LPO: variants seen among roughly 807,000 people sequenced by gnomAD.
The protein encoded by LPO is salivary peroxidase.
In LPO, 70 loss-of-function variants were observed where a neutral mutation model predicts 68.4. The observed-to-expected ratio is 1.02, with a 90% CI of 0.84 to 1.25. LPO has a LOEUF of 1.25. LPO is among the 50% of genes most tolerant of loss of function. LPO has a pLI of 0.00. For synonymous variants in LPO, 360 were observed against 357.6 expected (o/e 1.01, Z -0.08); for missense variants, 873 against 908.4 (o/e 0.96, Z 0.50).
intron 6 of LPO, 103 bp downstream of exon 6, chr17:58,249,798 A>C (rs1051121112): frequency 1.5e-5 from 21 of 1,413,534 alleles, no homozygotes; most frequent in Admixed American, 8.8e-5. Context: ...TGGGGGCAGC[A>C]GGGGTGCGCG....
At chr17:58,251,597 C>T (rs1044740686) in intron 7 of LPO, 2 of 256,146 alleles carry the variant, frequency 7.8e-6, no homozygotes, top group South Asian at 4.7e-5. Flanking sequence ...AAGAATAAAT[C>T]GAGGCTATGT....
chr17:58,267,513 G>T lies in LPO; in HGVS notation c.1858G>T (p.Glu620Ter), dbSNP rs755945869. ...AGGGGCCATTGCTGAGCCGCTGGTGGAAAGGGGTCGGGTGGGGCCTCTCCT... is the reference window on the plus strand; with the variant it reads ...AGGGGCCATTGCTGAGCCGCTGGTGTAAAGGGGTCGGGTGGGGCCTCTCCT... Reference protein sequence around the residue: ...WIGAIAEPLVERGRVGPLLAC... With the variant: ...WIGAIAEPLV Residue 620 changes from glutamate to a stop codon, truncating the protein, a stop_gained, in exon 12 of 13, where the codon GAA (glutamate) becomes TAA (stop). Transcript: ENST00000262290. LOFTEE classifies it high-confidence loss of function. 6.2e-7 allele frequency: 1 copy of T among 1,614,236 alleles called. No individual in the cohort carries two copies. Among genetic ancestry groups the T allele is most frequent in the South Asian group, 1.1e-5 (1 of 91,086 alleles).
chr17:58,242,170 G>A (rs970295354), intron 1 of LPO, among the ~76,000 whole-genome samples: 2 of 152,282 alleles, frequency 1.3e-5, no homozygotes, highest in South Asian at 2.1e-4. Context: ...GATGTATGGG[G>A]TCTGCTCCAC....
intron 1 of LPO, among the ~76,000 whole-genome samples, chr17:58,239,045 G>A (rs1039274902): frequency 6.6e-6 from 1 of 152,094 alleles, no homozygotes; most frequent in African/African-American, 2.4e-5. Context: ...TAGGAACTGA[G>A]ACTTAAGCAA....
At chr17:58,255,121 A>G in intron 9 of LPO, 150 bp downstream of exon 9, 1 of 699,150 alleles carries the variant, frequency 1.4e-6, no homozygotes, top group Non-Finnish European at 2.3e-6. Flanking sequence ...TTGTTGTCTC[A>G]TTCTTTGAAA....
At chr17:58,250,665 C>T in intron 7 of LPO, 44 bp downstream of exon 7, 1 of 1,581,696 alleles carries the variant, frequency 6.3e-7, no homozygotes, top group Non-Finnish European at 8.7e-7. Flanking sequence ...CCCTTGCCCA[C>T]CCTGATGTAG....
Position 58,249,713 on chromosome 17 carries a change from C to A in LPO, c.573+18C>A. 1.3e-6 allele frequency: 2 copies of A among 1,547,122 alleles called. No homozygotes were observed. Among genetic ancestry groups the A allele is most frequent in the Non-Finnish European group, 8.7e-7 (1 of 1,155,422 alleles). On this transcript the variant is annotated intron_variant, in intron 6 of 12. Coordinates refer to ENST00000262290, the MANE Select transcript of LPO (RefSeq NM_006151.3). ...TCCCGCTGGTGAGGGCAGGCCGGGC[C>A]GGGGTGAAGGATGGGAGCCAGAGGG...
At chr17:58,248,925 A>G (rs531873973) in intron 4 of LPO, 135 bp from the exon 5 acceptor site, 2 of 733,754 alleles carry the variant, frequency 2.7e-6, no homozygotes, top group Non-Finnish European at 5.0e-6. Flanking sequence ...TTGAGAAACC[A>G]CTTGAGAAAC....
intron 9 of LPO, among the ~76,000 whole-genome samples, chr17:58,258,965 A>G (rs1373906884): frequency 6.6e-6 from 1 of 151,906 alleles, no homozygotes; most frequent in East Asian, 1.9e-4. Context: ...CGTATTCTAG[A>G]CACAAGTCCT....
chr17:58,247,353 T>C, intron 3 of LPO, 125 bp from the exon 4 acceptor site: 4 of 742,114 alleles, frequency 5.4e-6, no homozygotes, highest in Non-Finnish European at 8.7e-6. Context: ...GTGGCTACTG[T>C]ATTGGACAGT....
rs369680744 is a variant in LPO, at chr17:58,267,889, G to A, written c.2034G>A (p.Lys678=). ...RLVCDNTRIT[K]VPRDPFWANS... ...TCTGTGACAACACCCGCATCACCAAGGTCCCACGGGACCCATTCTGGGCCA... is the reference window on the plus strand; with the variant it reads ...TCTGTGACAACACCCGCATCACCAAAGTCCCACGGGACCCATTCTGGGCCA... Residue 678 remains lysine, a synonymous_variant, in exon 13 of 13, where the codon AAG becomes AAA. Coordinates refer to ENST00000262290, the MANE Select transcript of LPO (RefSeq NM_006151.3). The A allele has an allele frequency of 9.9e-6, 16 of 1,614,026 alleles. No homozygotes were observed. Among genetic ancestry groups the A allele is most frequent in the African/African-American group, 2.7e-5 (2 of 74,902 alleles).
Position 58,254,842 on chromosome 17 carries a change from G to T in LPO, c.1137G>T (p.Leu379=). ...GDSRASEHIL[L]ATSHTLFLRE... ...CTCGAGCCTCAGAGCATATTCTGCT[G>T]GCCACATCCCACACCCTCTTTCTCC... is the stretch of plus-strand genomic sequence containing the variant. The change falls in exon 9 of 13, where the codon CTG becomes CTT. Residue 379 remains leucine (L), a synonymous_variant. Coordinates refer to ENST00000262290, the MANE Select transcript of LPO (RefSeq NM_006151.3). The T allele has an allele frequency of 6.2e-7, 1 of 1,614,060 alleles. No homozygotes were observed. The highest frequency in any genetic ancestry group is 2.2e-5 in the East Asian group (1 of 44,878).
chr17:58,254,847 C>T lies in LPO; in HGVS notation c.1142C>T (p.Thr381Ile), dbSNP rs752680822. Residue 381 changes from threonine to isoleucine, a missense_variant, in exon 9 of 13, where the codon ACA becomes ATA. Transcript: ENST00000262290. ...SRASEHILLA[T>I]SHTLFLREHN... ...GCCTCAGAGCATATTCTGCTGGCCACATCCCACACCCTCTTTCTCCGCGAG... is the reference window on the plus strand; with the variant it reads ...GCCTCAGAGCATATTCTGCTGGCCATATCCCACACCCTCTTTCTCCGCGAG... 5 of 1,614,028 alleles carry T rather than the reference C, an allele frequency of 3.1e-6. No homozygotes were observed. The highest frequency in any genetic ancestry group is 4.2e-6 in the Non-Finnish European group (5 of 1,180,024).
At position 58,241,047 on chromosome 17, in the gene LPO, G is replaced by A. The variant is rs1598017393; in HGVS notation, c.-2-1931G>A. On this transcript the variant is annotated intron_variant, in intron 1 of 12. Coordinates refer to ENST00000262290, the MANE Select transcript of LPO (RefSeq NM_006151.3). ...TGAATATACCTAACATTACAGTACT[G>A]TAGAGTTTAAATGACTAGGATGCTA... 2.0e-5 allele frequency among the ~76,000 whole-genome samples: 3 copies of A among 151,658 alleles called. 1 individual carries two copies.
intron 8 of LPO, among the ~76,000 whole-genome samples, chr17:58,253,144 T>G (rs910541343): frequency 6.6e-6 from 1 of 152,120 alleles, no homozygotes. Flanking sequence ...TTTTCCAGTA[T>G]TTTTTCTATC....
At position 58,251,065 on chromosome 17, in the gene LPO, G is replaced by A. The variant is rs562134642; in HGVS notation, c.780+444G>A. 4 of 176,038 alleles carry A rather than the reference G, an allele frequency of 2.3e-5. No homozygotes were observed. The South Asian group carries it at 5.0e-4, about 22-fold the overall frequency. The allele number at this position is 176,038 out of a possible 1,614,324, so 10.9% of individuals were successfully genotyped here. On this transcript the variant is annotated intron_variant, in intron 7 of 12. Transcript: ENST00000262290. ...AGGCTGAGGTGGACAGATCACCTGA[G>A]GTCAAGAGTTTGAGACCAGCCTGGC... is the stretch of plus-strand genomic sequence containing the variant.
chr17:58,255,995 A>T (rs1171626481), intron 9 of LPO, among the ~76,000 whole-genome samples: 3 of 152,180 alleles, frequency 2.0e-5, no homozygotes, highest in South Asian at 2.1e-4. Context: ...CTATCTCTTC[A>T]TAGCCACATC....
At chr17:58,252,541 C>A in intron 8 of LPO, 35 bp downstream of exon 8, 1 of 1,583,188 alleles carries the variant, frequency 6.3e-7, no homozygotes, top group Non-Finnish European at 8.6e-7. Context: ...GGCCCAAGGA[C>A]AAGGGGATTA....
chr17:58,261,430 C>T (rs1193583711), intron 9 of LPO, among the ~76,000 whole-genome samples: 4 of 151,862 alleles, frequency 2.6e-5, no homozygotes, highest in African/African-American at 9.7e-5. Context: ...TATAGTCACC[C>T]CTGCTTTTAA....
Sources: gnomAD v4.1 joint callset for allele counts (sites outside exome capture counted in the v4.1 genomes callset) on GRCh38, gnomAD v4.1.1 for gene constraint, MANE v1.5 for transcripts, NCBI Gene and HGNC (gene_info 2026-07-23, HGNC 2026-07-21) for gene names.